CACNA1C: variants seen among roughly 807,000 people sequenced by gnomAD.
CACNA1C encodes the protein calcium voltage-gated channel subunit alpha1 C.
A neutral mutation model predicts 229.0 loss-of-function variants in CACNA1C; 30 were observed. That is an observed-to-expected ratio of 0.13 (90% confidence interval 0.10 to 0.18). The LOEUF (loss-of-function observed/expected upper bound fraction) is 0.18. CACNA1C is among the 10% of genes least tolerant of loss of function. The pLI is 1.00. For missense variants in CACNA1C, 1,658 were observed against 2,845.0 expected (o/e 0.58, Z 9.49); for synonymous variants, 1,114 against 1,132.5 (o/e 0.98, Z 0.33).
At chr12:2,240,671 G>A (rs954300971) in intron 3 of CACNA1C, among the ~76,000 whole-genome samples, 13 of 152,190 alleles carry the variant, frequency 8.5e-5, no homozygotes, top group African/African-American at 2.9e-4. Flanking sequence ...GCTGCATGGC[G>A]GATGCTAATG....
In CACNA1C at chr12:2,677,892, C is replaced by T. The variant is rs2302731; in HGVS notation, c.5091+25C>T. ...GGTGGGTGGTGCCATGGCGCACTCT[C>T]GACCCCTATAAAGTTCAGTTTGGAG... On this transcript the variant is annotated intron_variant, in intron 41 of 46. Transcript: ENST00000399655. This position sits in a 1 kb window ranked among gnomAD's most constrained non-coding sequence, Gnocchi z 7.4. The T allele has an allele frequency of 0.046, 74,740 of 1,612,894 alleles. 2,619 individuals are homozygous for T. The highest frequency in any genetic ancestry group is 0.16 in the East Asian group (7,118 of 44,834).
intron 9 of CACNA1C, among the ~76,000 whole-genome samples, chr12:2,534,391 T>C (rs1289767738): frequency 6.6e-6 from 1 of 152,178 alleles, no homozygotes; most frequent in African/African-American, 2.4e-5. Context: ...TGATGTGACA[T>C]GGTGAAGTCC....
chr12:2,622,461 T>G (rs1307921069), intron 29 of CACNA1C, among the ~76,000 whole-genome samples: 4 of 151,902 alleles, frequency 2.6e-5, no homozygotes, highest in Non-Finnish European at 4.4e-5. Flanking sequence ...TGCCCCTCCT[T>G]CTCCCATACT....
chr12:2,491,994 CTCTT>C (rs1174898730), intron 6 of CACNA1C, among the ~76,000 whole-genome samples: 110 of 141,982 alleles, frequency 7.7e-4, no homozygotes, highest in African/African-American at 2.3e-3. Flanking sequence ...CTCTCTCTCT[CTCTT>C]TGGAAGTGTA....
chr12:2,293,677 C>T (rs1157460680), intron 3 of CACNA1C, among the ~76,000 whole-genome samples: 2 of 152,230 alleles, frequency 1.3e-5, no homozygotes, highest in African/African-American at 4.8e-5. Flanking sequence ...GATTGGGCAT[C>T]CCTGGTCTAG....
intron 3 of CACNA1C, among the ~76,000 whole-genome samples, chr12:2,438,490 C>A (rs2099179310): frequency 6.6e-6 from 1 of 151,790 alleles, no homozygotes; most frequent in South Asian, 2.1e-4. Flanking sequence ...GGCCACTGAG[C>A]TGCATCGTGG....
Position 2,651,514 on chromosome 12 carries a change from T to C in CACNA1C, c.3946-126T>C. 7.0e-7 allele frequency: 1 copy of C among 1,424,228 alleles called. No homozygotes were observed. The highest frequency in any genetic ancestry group is 9.8e-7 in the Non-Finnish European group (1 of 1,015,574). The allele number at this position is 1,424,228 out of a possible 1,614,324, so 88.2% of individuals were successfully genotyped here. A position where few individuals can be genotyped will look rare whatever the true frequency, so the allele number is the denominator to read the frequency against. ...CGCCCTCCCATCGGAGGGGGAAGTC[T>C]AGTGCAGCAAACCCTGGCCTGCCTT... On this transcript the variant is annotated intron_variant, in intron 31 of 46. Coordinates refer to ENST00000399655, the MANE Select transcript of CACNA1C (RefSeq NM_000719.7). The surrounding 1 kb of genome is among the most constrained non-coding windows in gnomAD (Gnocchi z 5.4).
At chr12:2,218,364 G>A (rs181448956) in intron 3 of CACNA1C, among the ~76,000 whole-genome samples, 5 of 152,328 alleles carry the variant, frequency 3.3e-5, no homozygotes, top group Non-Finnish European at 5.9e-5. Flanking sequence ...TTTTCTTCAG[G>A]AAGAAAATTT....
intron 13 of CACNA1C, among the ~76,000 whole-genome samples, chr12:2,568,314 A>G (rs1412767670): frequency 1.3e-5 from 2 of 152,112 alleles, no homozygotes; most frequent in South Asian, 2.1e-4. Context: ...ACTGAAAATC[A>G]TAAGGGTTGG....
At chr12:2,421,134 G>A (rs1038609983) in intron 3 of CACNA1C, among the ~76,000 whole-genome samples, 53 of 152,254 alleles carry the variant, frequency 3.5e-4, no homozygotes, top group Non-Finnish European at 1.0e-4. Flanking sequence ...ACCCAAACGT[G>A]CAGAATATTT....
At chr12:2,621,132 T>C (rs572931226) in intron 29 of CACNA1C, among the ~76,000 whole-genome samples, 25 of 152,330 alleles carry the variant, frequency 1.6e-4, no homozygotes, top group African/African-American at 6.0e-4. Flanking sequence ...AAGTAGTTCT[T>C]GAGCGCCTCA....
chr12:2,388,978 C>T (rs1157418573), intron 3 of CACNA1C, among the ~76,000 whole-genome samples: 1 of 152,156 alleles, frequency 6.6e-6, no homozygotes, highest in Non-Finnish European at 1.5e-5. Flanking sequence ...TGTATGATAA[C>T]TGAAACTATA....
chr12:2,325,623 C>A (rs2096256733), intron 3 of CACNA1C, among the ~76,000 whole-genome samples: 1 of 152,250 alleles, frequency 6.6e-6, no homozygotes, highest in Non-Finnish European at 1.5e-5. Context: ...ACACAAAGTG[C>A]ACAGCACAGA....
At position 2,504,794 on chromosome 12, in the gene CACNA1C, T is replaced by G; in HGVS notation, c.1114-48T>G. 1 of 1,146,012 alleles carries G rather than the reference T, an allele frequency of 8.7e-7. No homozygotes were observed. Among genetic ancestry groups the G allele is most frequent in the South Asian group, 1.3e-5 (1 of 79,704 alleles). The allele number at this position is 1,146,012 out of a possible 1,614,324, so 71.0% of individuals were successfully genotyped here. A position where few individuals can be genotyped will look rare whatever the true frequency, so the allele number is the denominator to read the frequency against. ...GGGAGCCGGGGACCGGCACTGGCCG[T>G]GCTCGGTTGCTGAGTGTGCCTCACT... On this transcript the variant is annotated intron_variant, in intron 7 of 46. Coordinates refer to ENST00000399655, the MANE Select transcript of CACNA1C (RefSeq NM_000719.7). This position sits in a 1 kb window ranked among gnomAD's most constrained non-coding sequence, Gnocchi z 6.8.
chr12:2,511,827 CAG>C (rs2099784720), intron 8 of CACNA1C, among the ~76,000 whole-genome samples: 1 of 152,160 alleles, frequency 6.6e-6, no homozygotes, highest in Non-Finnish European at 1.5e-5. Flanking sequence ...GTTATTGTGT[CAG>C]AAATTTTTCA....
intron 3 of CACNA1C, among the ~76,000 whole-genome samples, chr12:2,178,872 G>A (rs192187647): frequency 6.6e-6 from 1 of 152,222 alleles, no homozygotes; most frequent in Non-Finnish European, 1.5e-5. Flanking sequence ...GACCAGCCTG[G>A]CCAACATGAC....
At chr12:2,219,382 T>C (rs1422655886) in intron 3 of CACNA1C, among the ~76,000 whole-genome samples, 1 of 152,202 alleles carries the variant, frequency 6.6e-6, no homozygotes, top group East Asian at 1.9e-4. Flanking sequence ...TCATTTACCA[T>C]TCAGAGGACC....
At chr12:2,216,791 G>A (rs1566461543) in intron 3 of CACNA1C, among the ~76,000 whole-genome samples, 1 of 152,216 alleles carries the variant, frequency 6.6e-6, no homozygotes, top group Non-Finnish European at 1.5e-5. Context: ...GTTTAGAGGT[G>A]TTTAAAGACA....
chr12:2,373,153 C>T (rs1020816273), intron 3 of CACNA1C, among the ~76,000 whole-genome samples: 11 of 152,156 alleles, frequency 7.2e-5, no homozygotes, highest in Non-Finnish European at 1.6e-4. Flanking sequence ...CCATGATTTT[C>T]CCCAACCCTT....
Sources: gnomAD v4.1 joint callset for allele counts (sites outside exome capture counted in the v4.1 genomes callset) on GRCh38, gnomAD v4.1.1 for gene constraint, Gnocchi (gnomAD v3.1) non-coding constraint, MANE v1.5 for transcripts, NCBI Gene and HGNC (gene_info 2026-07-23, HGNC 2026-07-21) for gene names.